The following MEIS3 variants were observed in gnomAD, a reference collection of about 807,000 sequenced individuals.
The protein encoded by MEIS3 is Meis homeobox 3.
In MEIS3, 38 loss-of-function variants were observed where a neutral mutation model predicts 51.4. That is an observed-to-expected ratio of 0.74 (90% CI 0.57 to 0.97). The LOEUF (loss-of-function observed/expected upper bound fraction) is 0.97. MEIS3 is among the 50% of genes least tolerant of loss of function. The probability of loss-of-function intolerance (pLI) is 0.00; values close to 1 mark genes in which losing one functional copy is unlikely to be tolerated. For synonymous variants in MEIS3, 198 were observed against 201.8 expected, an observed-to-expected ratio of 0.98 and a Z score of 0.16; for missense variants, 456 against 502.6, an observed-to-expected ratio of 0.91 and a Z score of 0.89.
In MEIS3 at chr19:47,414,789, G is replaced by A. The variant is rs1487553726; in HGVS notation, c.525C>T (p.Ile175=). ...LKGKMPIDLV[I]EDRDGGCRED... is the part of the protein sequence containing the mutation. ...CCCTGCAGCCGCCGTCCCGATCCTC[G>A]ATGACCAGGTCGATGGGCATCTTTC... Residue 175 remains isoleucine, a synonymous_variant, in exon 6 of 13, where the codon ATC becomes ATT. Coordinates refer to ENST00000558555, the MANE Select transcript of MEIS3 (RefSeq NM_001301059.2). The A allele has an allele frequency of 3.1e-6, 5 of 1,613,602 alleles. No homozygotes were observed. The highest frequency in any genetic ancestry group is 3.4e-6 in the Non-Finnish European group (4 of 1,179,930).
chr19:47,406,272 AGGAT>A (rs140024451), intron 12 of MEIS3, 184 bp downstream of exon 12: 45,584 of 510,688 alleles, frequency 0.089, 2,617 homozygotes, highest in African/African-American at 0.21. Context: ...ATGGAGGAGG[AGGAT>A]GGATGGATGG....
upstream of MEIS3, among the ~76,000 whole-genome samples, chr19:47,420,974 T>TCTCTCTCTCTCTC (rs200497887): frequency 2.8e-5 from 3 of 108,126 alleles, no homozygotes; most frequent in Admixed American, 1.0e-4. Context: ...TCTCTCTCTC[T>TCTCTCTCTCTCTC]TCCTGGCTGT....
rs773132046 is a variant in MEIS3 at position 47,417,257 on chromosome 19, C to G, written c.106G>C (p.Gly36Arg). The G allele has an allele frequency of 6.2e-7, 1 of 1,610,906 alleles. No homozygotes were observed. The change falls in exon 2 of 13, where the codon GGC becomes CGC. Residue 36 changes from glycine (G) to arginine (R), a missense_variant. Transcript: ENST00000558555. The part of the protein sequence containing the change: ...ETVPAVPGPY[G>R]PHRPPQPLPP... ...AGGGGCTGGGGAGGCCGGTGCGGGC[C>G]ATAGGGCCCTGGTACTGCGGGCACT... is the stretch of plus-strand genomic sequence containing the variant.
intron 12 of MEIS3, among the ~76,000 whole-genome samples, chr19:47,404,136 C>T (rs542978575): frequency 1.3e-5 from 2 of 151,812 alleles, no homozygotes; most frequent in African/African-American, 4.8e-5. Flanking sequence ...CTGGGGAGGT[C>T]GAGGCTACAG....
chr19:47,417,247 CGGTGCGGGCCATAGGGCCCT>C lies in MEIS3; in HGVS notation c.96_115del (p.Gly33AlafsTer20), dbSNP rs750776909. ...GCCTGGGGGCAGGGGCTGGGGAGGC[CGGTGCGGGCCATAGGGCCCT>C]GGTACTGCGGGCACTGTCTCTGGGA... On this transcript the variant is annotated frameshift_variant, in exon 2 of 13. Coordinates refer to ENST00000558555, the MANE Select transcript of MEIS3 (RefSeq NM_001301059.2). LOFTEE classifies it high-confidence loss of function. 1.9e-5 allele frequency: 30 copies of C among 1,605,936 alleles called. 2 individuals are homozygous for C. The South Asian group carries it at 2.8e-4, about 15-fold the overall frequency.
intron 8 of MEIS3, among the ~76,000 whole-genome samples, chr19:47,408,591 G>T (rs1970962752): frequency 6.6e-6 from 1 of 151,930 alleles, no homozygotes. Flanking sequence ...TCTCCATCTT[G>T]CTCTGACTTG....
At position 47,406,526 on chromosome 19, in the gene MEIS3, C is replaced by T. The variant is rs1379473071; in HGVS notation, c.1079G>A (p.Gly360Glu). Residue 360 changes from glycine to glutamate, a missense_variant and splice_region_variant, in exon 12 of 13, where the codon GGA (glycine) becomes GAA (glutamate). Transcript: ENST00000558555. Reference protein sequence around the residue: ...TQPHVAVRPPGSVGMSLNLEG... With the variant: ...TQPHVAVRPPESVGMSLNLEG... ...CAAGTTCAAACTCATCCCCACTGATCCTGGAAGACAAAAAAAAAGGAGGGT... is the reference window on the plus strand; with the variant it reads ...CAAGTTCAAACTCATCCCCACTGATTCTGGAAGACAAAAAAAAAGGAGGGT... 6.2e-7 allele frequency: 1 copy of T among 1,613,724 alleles called. No individual in the cohort carries two copies. The highest frequency in any genetic ancestry group is 1.3e-5 in the African/African-American group (1 of 74,822).
At chr19:47,403,739 CAG>C (rs1287401045) in intron 12 of MEIS3, among the ~76,000 whole-genome samples, 186 bp from the exon 13 acceptor site, 4 of 151,896 alleles carry the variant, frequency 2.6e-5, no homozygotes, top group Non-Finnish European at 5.9e-5. Context: ...AAGAGGGAGA[CAG>C]AGAATCAGAG....
In MEIS3 at chr19:47,403,527, G is replaced by T; in HGVS notation, c.*44C>A. The T allele has an allele frequency of 2.2e-6, 1 of 453,722 alleles. No individual in the cohort carries two copies. Among genetic ancestry groups the T allele is most frequent in the South Asian group, 1.6e-5 (1 of 64,210 alleles). The allele number at this position is 453,722 out of a possible 1,614,324, so 28.1% of individuals were successfully genotyped here. A position where few individuals can be genotyped will look rare whatever the true frequency, so the allele number is the denominator to read the frequency against. On this transcript the variant is annotated 3_prime_UTR_variant, in exon 13 of 13. Coordinates refer to ENST00000558555, the MANE Select transcript of MEIS3 (RefSeq NM_001301059.2). ...GGCGGGAACCAGAGGCAGGTGTGAG[G>T]CTGGGGGTCACAGCCGGAGGCTGGG...
At chr19:47,408,601 G>C (rs774904854) in intron 8 of MEIS3, among the ~76,000 whole-genome samples, 1 of 151,876 alleles carries the variant, frequency 6.6e-6, no homozygotes. Flanking sequence ...GCTCTGACTT[G>C]GTCCTCCCCG....
chr19:47,411,012 A>G (rs187511909), intron 6 of MEIS3, among the ~76,000 whole-genome samples: 206 of 151,886 alleles, frequency 1.4e-3, no homozygotes, highest in African/African-American at 4.7e-3. Context: ...TCTAGGCTCA[A>G]TGCAGCCTCT....
In MEIS3 at chr19:47,407,358, T is replaced by A. The variant is rs761235146; in HGVS notation, c.929A>T (p.Asn310Ile). ...GCCCTCCTGGGCCACTCACCAGTTG[T>A]TGACTTGCAGGATGGTGAGCCCCGT... ...QDTGLTILQVNNWFINARRRI... is the reference protein window; with the variant it reads ...QDTGLTILQVINWFINARRRI... The change falls in exon 9 of 13, where the codon AAC (asparagine) becomes ATC (isoleucine). Residue 310 changes from asparagine (N) to isoleucine (I), a missense_variant. By Grantham distance (149) the Asn-to-Ile change is moderately radical. Coordinates refer to ENST00000558555, the MANE Select transcript of MEIS3 (RefSeq NM_001301059.2). 1 of 1,613,094 alleles carries A rather than the reference T, an allele frequency of 6.2e-7. No homozygotes were observed. Among genetic ancestry groups the A allele is most frequent in the African/African-American group, 1.3e-5 (1 of 74,934 alleles).
intron 6 of MEIS3, among the ~76,000 whole-genome samples, chr19:47,414,056 G>A (rs73940818): frequency 3.2e-3 from 480 of 152,168 alleles, no homozygotes; most frequent in African/African-American, 0.011. Flanking sequence ...CTTTGTGGCC[G>A]CATCTGAGCC....
chr19:47,420,868 T>G (rs187059399), upstream of MEIS3, among the ~76,000 whole-genome samples: 2 of 151,486 alleles, frequency 1.3e-5, no homozygotes, highest in African/African-American at 4.9e-5. Flanking sequence ...TGTCCATCCG[T>G]CTGTCTGTCC....
rs530227842 is a variant in MEIS3 at position 47,403,525 on chromosome 19, A to G, written c.*46T>C. On this transcript the variant is annotated 3_prime_UTR_variant, in exon 13 of 13. Coordinates refer to ENST00000558555, the MANE Select transcript of MEIS3 (RefSeq NM_001301059.2). ...CAGGCGGGAACCAGAGGCAGGTGTG[A>G]GGCTGGGGGTCACAGCCGGAGGCTG... is the stretch of plus-strand genomic sequence containing the variant. 2.8e-4 allele frequency: 129 copies of G among 453,700 alleles called. No homozygotes were observed. Among genetic ancestry groups the G allele is most frequent in the Non-Finnish European group, 5.0e-4 (113 of 225,676 alleles). 28.1% of individuals were successfully genotyped at this position (453,700 alleles called of 1,614,324 possible).
chr19:47,407,209 C>T, intron 9 of MEIS3, 72 bp from the exon 10 acceptor site: 1 of 1,535,568 alleles, frequency 6.5e-7, no homozygotes, highest in Non-Finnish European at 8.8e-7. Context: ...GAACACAGAG[C>T]GGGCCGGAGG....
chr19:47,408,041 G>A (rs948937252), intron 8 of MEIS3, among the ~76,000 whole-genome samples: 5 of 152,048 alleles, frequency 3.3e-5, no homozygotes, highest in East Asian at 1.9e-4. Flanking sequence ...TCCTGACCTC[G>A]TGATCCGCCC....
intron 6 of MEIS3, among the ~76,000 whole-genome samples, chr19:47,410,248 G>C (rs1971062852): frequency 6.6e-6 from 1 of 152,166 alleles, no homozygotes; most frequent in African/African-American, 2.4e-5. Flanking sequence ...AGGAGTTGAA[G>C]ACCAGCCTGG....
At chr19:47,410,119 C>A (rs1034453398) in intron 6 of MEIS3, among the ~76,000 whole-genome samples, 51 of 151,678 alleles carry the variant, frequency 3.4e-4, no homozygotes, top group African/African-American at 1.2e-3. Flanking sequence ...CCAGCCTGGC[C>A]AACATGGTGA....
Sources: gnomAD v4.1 joint callset for allele counts (sites outside exome capture counted in the v4.1 genomes callset) on GRCh38, gnomAD v4.1.1 for gene constraint, MANE v1.5 for transcripts, NCBI Gene and HGNC (gene_info 2026-07-23, HGNC 2026-07-21) for gene names.